Variants in CDH4 observed in about 807,000 individuals in gnomAD.
CDH4 encodes the protein cadherin 4.
CDH4 carries 33 observed loss-of-function variants against 86.0 expected under a neutral mutation model. That is an observed-to-expected ratio of 0.38 (90% CI 0.29 to 0.51). CDH4 has a LOEUF of 0.51. Ranked by LOEUF, CDH4 falls within the 20% of genes least tolerant of loss-of-function variation. The pLI is 0.86. For synonymous variants in CDH4, 555 were observed against 549.4 expected, an observed-to-expected ratio of 1.01 and a Z score of -0.14; for missense variants, 1,114 against 1,307.4, an observed-to-expected ratio of 0.85 and a Z score of 2.28.
At chr20:61,403,645 A>G (rs532277054) in intron 2 of CDH4, among the ~76,000 whole-genome samples, 1 of 152,248 alleles carries the variant, frequency 6.6e-6, no homozygotes, top group Non-Finnish European at 1.5e-5. Flanking sequence ...GGCATGCGGC[A>G]TTATTCTCCA....
At chr20:61,519,799 C>T (rs1268577741) in intron 2 of CDH4, among the ~76,000 whole-genome samples, 2 of 152,198 alleles carry the variant, frequency 1.3e-5, no homozygotes, top group Non-Finnish European at 1.5e-5. Context: ...CCCATTACCA[C>T]GTGGAGGAAA....
chr20:61,619,846 G>A (rs2086755407), intron 2 of CDH4, among the ~76,000 whole-genome samples: 1 of 152,246 alleles, frequency 6.6e-6, no homozygotes, highest in Non-Finnish European at 1.5e-5. Flanking sequence ...TGCAGCAAGA[G>A]GGGAAGTTGC....
chr20:61,639,033 G>C (rs1246340716), intron 2 of CDH4, among the ~76,000 whole-genome samples: 3 of 152,242 alleles, frequency 2.0e-5, no homozygotes, highest in African/African-American at 7.2e-5. Flanking sequence ...GTCAGTCCCT[G>C]TTATTACTGC....
chr20:61,762,792 A>G (rs1045514876), intron 3 of CDH4, among the ~76,000 whole-genome samples: 2 of 152,220 alleles, frequency 1.3e-5, no homozygotes, highest in Non-Finnish European at 2.9e-5. Context: ...ATCCAGTGGC[A>G]TGGGGACCTC....
chr20:61,755,284 C>T (rs947668983), intron 3 of CDH4, among the ~76,000 whole-genome samples: 3 of 128,712 alleles, frequency 2.3e-5, no homozygotes, highest in Non-Finnish European at 5.0e-5. Flanking sequence ...CACACACACA[C>T]ACGCCCCACA....
chr20:61,357,942 G>T (rs2084761011), intron 2 of CDH4, among the ~76,000 whole-genome samples: 1 of 152,102 alleles, frequency 6.6e-6, no homozygotes, highest in African/African-American at 2.4e-5. Context: ...CTTGGTAGTT[G>T]TTCCTAAGTG....
At chr20:61,317,088 A>G (rs2084480694) in intron 2 of CDH4, among the ~76,000 whole-genome samples, 1 of 151,732 alleles carries the variant, frequency 6.6e-6, no homozygotes, top group Non-Finnish European at 1.5e-5. Flanking sequence ...ATGTTCAAAT[A>G]TATTTCCTGG....
At chr20:61,795,965 A>G (rs1979514760) in intron 4 of CDH4, among the ~76,000 whole-genome samples, 1 of 152,168 alleles carries the variant, frequency 6.6e-6, no homozygotes, top group South Asian at 2.1e-4. Flanking sequence ...ACTGAGTGAC[A>G]TGGTCAGATC....
intron 6 of CDH4, among the ~76,000 whole-genome samples, chr20:61,853,135 G>T (rs6061869): frequency 3.9e-5 from 6 of 152,162 alleles, no homozygotes; most frequent in Middle Eastern, 3.4e-3. Flanking sequence ...AGGGCCAACG[G>T]GCTGGGAAGA....
chr20:61,371,612 C>T (rs916763084), intron 2 of CDH4, among the ~76,000 whole-genome samples: 7 of 152,206 alleles, frequency 4.6e-5, no homozygotes, highest in Non-Finnish European at 7.3e-5. Context: ...CCAAGACCAC[C>T]GGGCAGGCCT....
intron 6 of CDH4, among the ~76,000 whole-genome samples, chr20:61,855,558 G>A (rs957043627): frequency 2.0e-5 from 3 of 152,222 alleles, no homozygotes; most frequent in African/African-American, 7.2e-5. Flanking sequence ...GACCCAGGAT[G>A]CTATTTAAAG....
intron 2 of CDH4, among the ~76,000 whole-genome samples, chr20:61,500,743 T>C (rs1307383771): frequency 6.6e-6 from 1 of 152,204 alleles, no homozygotes. Context: ...CATGTTAATA[T>C]TTAGTCTTTA....
intron 2 of CDH4, among the ~76,000 whole-genome samples, chr20:61,581,033 A>G (rs2086424135): frequency 1.3e-5 from 2 of 152,234 alleles, no homozygotes; most frequent in African/African-American, 4.8e-5. Flanking sequence ...CAAGGGCACT[A>G]TCCAAAAGGA....
intron 3 of CDH4, among the ~76,000 whole-genome samples, chr20:61,762,094 C>A (rs1284145688): frequency 6.6e-6 from 1 of 152,270 alleles, no homozygotes; most frequent in African/African-American, 2.4e-5. Context: ...AGGAGCTCCC[C>A]TGCGCTGTTT....
chr20:61,846,113 G>A (rs17811544), intron 5 of CDH4, among the ~76,000 whole-genome samples: 61,268 of 152,224 alleles, frequency 0.4, 15,143 homozygotes, highest in Non-Finnish European at 0.56. Context: ...ACCGTCTGAA[G>A]CAGGGTCGGA....
At chr20:61,400,036 G>A (rs6121757) in intron 2 of CDH4, among the ~76,000 whole-genome samples, 69,072 of 152,010 alleles carry the variant, frequency 0.45, 16,645 homozygotes, top group African/African-American at 0.62. Context: ...CCCCCTTACA[G>A]CTGGGCAGCA....
At chr20:61,894,212 C>G (rs116287823) in intron 7 of CDH4, among the ~76,000 whole-genome samples, 2,956 of 152,290 alleles carry the variant, frequency 0.019, 83 homozygotes, top group African/African-American at 0.068. Context: ...GCCACCTCTG[C>G]CAGCTCAGGG....
chr20:61,581,810 A>T (rs1298948727), intron 2 of CDH4, among the ~76,000 whole-genome samples: 2 of 152,074 alleles, frequency 1.3e-5, no homozygotes, highest in Non-Finnish European at 2.9e-5. Flanking sequence ...TCAGCCCCAC[A>T]CCATGCTTGT....
At chr20:61,680,600 TC>T (rs1374519846) in intron 2 of CDH4, among the ~76,000 whole-genome samples, 3 of 151,976 alleles carry the variant, frequency 2.0e-5, no homozygotes, top group African/African-American at 7.3e-5. Flanking sequence ...GAGCCGAGCA[TC>T]CCCCGAGGAT....
Sources: allele counts gnomAD v4.1 joint callset (sites outside exome capture counted in the v4.1 genomes callset), GRCh38; gene constraint gnomAD v4.1.1; transcripts MANE v1.5; gene names NCBI Gene and HGNC (gene_info 2026-07-23, HGNC 2026-07-21).